Variants in NLRP5 observed in about 807,000 individuals in gnomAD.
The protein encoded by NLRP5 is NACHT, LRR and PYD domains-containing protein 5.
Under a neutral mutation model 113.1 loss-of-function variants are expected in NLRP5, and 93 were observed. The observed-to-expected ratio is 0.82, with a 90% confidence interval of 0.70 to 0.98. NLRP5 has a LOEUF of 0.98. Among genes scored for constraint, NLRP5 ranks in the 50% least tolerant of loss-of-function variants. The pLI is 0.00. For synonymous variants in NLRP5, 751 were observed against 600.7 expected (o/e 1.25, Z -3.66); for missense variants, 1,808 against 1,514.3 (o/e 1.19, Z -3.22).
intron 9 of NLRP5, among the ~76,000 whole-genome samples, chr19:56,037,418 G>A (rs982524169): frequency 1.1e-4 from 17 of 151,958 alleles, no homozygotes; most frequent in Admixed American, 9.2e-4. Context: ...GGTGGAGGCC[G>A]GGCACAGTGG....
chr19:56,024,749 C>T (rs1982772991), intron 6 of NLRP5, among the ~76,000 whole-genome samples: 1 of 148,814 alleles, frequency 6.7e-6, no homozygotes, highest in Non-Finnish European at 1.5e-5. Flanking sequence ...CAGACTGCAA[C>T]TGTGTCTCAA....
intron 6 of NLRP5, among the ~76,000 whole-genome samples, chr19:56,024,580 T>C (rs1209444874): frequency 8.1e-6 from 1 of 123,740 alleles, no homozygotes; most frequent in Non-Finnish European, 1.8e-5. Context: ...CACATATATA[T>C]ACATACACAC....
rs1390350441 is a variant in NLRP5 at position 56,042,363 on chromosome 19, TGA to T, written c.2957+1274_2957+1275del. On this transcript the variant is annotated intron_variant, in intron 11 of 14. Coordinates refer to ENST00000390649, the MANE Select transcript of NLRP5 (RefSeq NM_153447.4). The stretch of plus-strand genomic sequence containing the variant: ...AGTAAGTTCTTTTCTTGTTGTGTTT[TGA>T]GACAGTTTGGCTCTGTCACCCAGGT... Among the ~76,000 whole-genome samples the T allele has an allele frequency of 3.9e-4, 60 of 152,132 alleles. 1 individual carries two copies. Among genetic ancestry groups the T allele is most frequent in the Admixed American group, 3.8e-3 (58 of 15,252 alleles).
intron 13 of NLRP5, among the ~76,000 whole-genome samples, chr19:56,057,241 G>A (rs1984190938): frequency 6.6e-6 from 1 of 152,152 alleles, no homozygotes; most frequent in African/African-American, 2.4e-5. Flanking sequence ...TATATCTGGT[G>A]AACTATTTCA....
chr19:56,048,390 T>A (rs1983804233), intron 11 of NLRP5, among the ~76,000 whole-genome samples: 1 of 152,230 alleles, frequency 6.6e-6, no homozygotes, highest in Admixed American at 6.5e-5. Flanking sequence ...GTTTCAAGAT[T>A]TAGAGCTCCT....
chr19:56,009,886 A>G (rs16986875), intron 3 of NLRP5, among the ~76,000 whole-genome samples: 59,074 of 151,936 alleles, frequency 0.39, 11,674 homozygotes, highest in Admixed American at 0.42. Flanking sequence ...TGGCATCTGA[A>G]TCAGAGGCTC....
Position 56,035,908 on chromosome 19 carries a change from C to T in NLRP5, c.2616-2117C>T, listed in dbSNP as rs185687372. ...AGTTGGAACTTCCTTTATTCAATAA[C>T]GACAGATGCTTGATTCTGCGTATAG... On this transcript the variant is annotated intron_variant, in intron 9 of 14. Coordinates refer to ENST00000390649, the MANE Select transcript of NLRP5 (RefSeq NM_153447.4). Among the ~76,000 whole-genome samples, 6 of 152,214 alleles carry T rather than the reference C, an allele frequency of 3.9e-5. No homozygotes were observed. In the East Asian group the frequency reaches 5.8e-4, roughly 15 times the overall value.
chr19:55,995,775 T>C (rs1337476136), upstream of NLRP5, among the ~76,000 whole-genome samples: 1 of 152,156 alleles, frequency 6.6e-6, no homozygotes, highest in Non-Finnish European at 1.5e-5. Context: ...TTCTGTGGGT[T>C]TTACTATAGA....
chr19:56,017,369 T>G (rs887848317), intron 4 of NLRP5, among the ~76,000 whole-genome samples: 1 of 142,958 alleles, frequency 7.0e-6, no homozygotes, highest in African/African-American at 2.7e-5. Context: ...TTTCCTACTT[T>G]AAGGTGGGAA....
intron 6 of NLRP5, among the ~76,000 whole-genome samples, chr19:56,020,988 C>G (rs955214139): frequency 3.2e-4 from 48 of 151,448 alleles, no homozygotes; most frequent in African/African-American, 8.3e-4. Flanking sequence ...ATTCTTCTGT[C>G]TCAGCCTCCC....
chr19:56,042,022 A>C (rs1244549579), intron 11 of NLRP5, among the ~76,000 whole-genome samples: 1 of 152,150 alleles, frequency 6.6e-6, no homozygotes, highest in Non-Finnish European at 1.5e-5. Context: ...AAATACCCTC[A>C]AAAAGGACAT....
Position 56,028,501 on chromosome 19 carries a change from C to G in NLRP5, c.2268C>G (p.Val756=). The G allele has an allele frequency of 6.2e-7, 1 of 1,612,902 alleles. No homozygotes were observed. Among genetic ancestry groups the G allele is most frequent in the Non-Finnish European group, 8.5e-7 (1 of 1,179,574 alleles). Residue 756 remains valine (V), a synonymous_variant, in exon 7 of 15, where the codon GTC becomes GTG. Coordinates refer to ENST00000390649, the MANE Select transcript of NLRP5 (RefSeq NM_153447.4). Reference sequence around the variant, plus strand: ...AGTCCGCTGAGGCATGTCCTGTGGTCCCTCTATGGTGAGTACCCCAGGCAG... The same window carrying G: ...AGTCCGCTGAGGCATGTCCTGTGGTGCCTCTATGGTGAGTACCCCAGGCAG...
In NLRP5 at chr19:56,027,054, G is replaced by A. The variant is rs563636909; in HGVS notation, c.821G>A (p.Arg274Gln). 2.8e-5 allele frequency: 44 copies of A among 1,554,736 alleles called. No individual in the cohort carries two copies. Among genetic ancestry groups the A allele is most frequent in the Admixed American group, 2.0e-4 (10 of 51,122 alleles). ...TTGGCTGGTGCTTTTGATTCAGACC[G>A]GTGGGGCTTCCGGCCTCGCACGGTG... The change falls in exon 7 of 15, where the codon CGG becomes CAG. Residue 274 changes from arginine (R) to glutamine (Q), a missense_variant. By Grantham distance (43) the Arg-to-Gln change is conservative. Transcript: ENST00000390649.
chr19:56,004,921 C>T (rs62123577), intron 2 of NLRP5, among the ~76,000 whole-genome samples: 10,945 of 151,248 alleles, frequency 0.072, 456 homozygotes, highest in African/African-American at 0.098. Flanking sequence ...GGAGAAACCC[C>T]GTCTCTACTA....
intron 4 of NLRP5, among the ~76,000 whole-genome samples, chr19:56,017,441 G>A (rs753765668): frequency 6.6e-6 from 1 of 151,948 alleles, no homozygotes; most frequent in Non-Finnish European, 1.5e-5. Flanking sequence ...TTTATGCACG[G>A]CTCTACCTAC....
chr19:56,024,395 CATATATGTACAT>C (rs960340391), intron 6 of NLRP5, among the ~76,000 whole-genome samples: 7 of 114,348 alleles, frequency 6.1e-5, no homozygotes, highest in Non-Finnish European at 1.3e-4. Flanking sequence ...AACATATATA[CATATATGTACAT>C]ATATGTATAT....
intron 2 of NLRP5, 42 bp from the exon 3 acceptor site, chr19:56,008,746 T>G (rs1299967240): frequency 6.5e-7 from 1 of 1,544,700 alleles, no homozygotes; most frequent in African/African-American, 1.4e-5. Context: ...GTAATTACAG[T>G]GACTTCATTG....
rs541257346 is a variant in NLRP5, at chr19:56,005,379, TTATA to T, written c.442+1289_442+1292del. ...TATTTTTATATACACACATATATAT[TTATA>T]TATACATATACACACACATATACAC... is the stretch of plus-strand genomic sequence containing the variant. On this transcript the variant is annotated intron_variant, in intron 2 of 14. Transcript: ENST00000390649. 2.1e-4 allele frequency among the ~76,000 whole-genome samples: 31 copies of T among 147,224 alleles called. No individual in the cohort carries two copies. In the East Asian group the frequency reaches 3.7e-3, roughly 18 times the overall value.
At chr19:55,990,091 T>C in the NLRP5 span, among the ~76,000 whole-genome samples, 193 of 72,976 alleles carry the variant, frequency 2.6e-3, no homozygotes, top group African/African-American at 6.1e-3. Flanking sequence ...TTTTTTTTTT[T>C]TTTTTTTTTT....
Sources: allele counts gnomAD v4.1 joint callset (sites outside exome capture counted in the v4.1 genomes callset), GRCh38; gene constraint gnomAD v4.1.1; transcripts MANE v1.5; gene names NCBI Gene and HGNC (gene_info 2026-07-23, HGNC 2026-07-21).